CNOT6L: variants seen among roughly 807,000 people sequenced by gnomAD.
The protein encoded by CNOT6L is CCR4-NOT transcription complex subunit 6-like.
A neutral mutation model predicts 64.0 loss-of-function variants in CNOT6L; 7 were observed. That is an observed-to-expected ratio of 0.11 (90% CI 0.06 to 0.21). The LOEUF is 0.21. CNOT6L is among the 10% of genes least tolerant of loss of function. The pLI is 1.00. For synonymous variants in CNOT6L, 193 were observed against 243.4 expected (o/e 0.79, Z 1.93); for missense variants, 245 against 669.0 (o/e 0.37, Z 6.99).
intron 1 of CNOT6L, among the ~76,000 whole-genome samples, chr4:77,811,874 TA>T (rs34864447): frequency 0.8 from 112,565 of 140,982 alleles, 44,865 homozygotes; most frequent in Non-Finnish European, 0.84. Flanking sequence ...AGGAGCAGTT[TA>T]AAAAAAAAAA....
chr4:77,731,332 G>A (rs1722425861), intron 9 of CNOT6L, 55 bp downstream of exon 9: 3 of 1,540,176 alleles, frequency 1.9e-6, no homozygotes, highest in East Asian at 4.5e-5. Flanking sequence ...GTTTTGAGAT[G>A]GAAAAACTTG....
At chr4:77,792,725 TAAAAAAAAA>T (rs77060039) in intron 1 of CNOT6L, among the ~76,000 whole-genome samples, 1 of 124,116 alleles carries the variant, frequency 8.1e-6, no homozygotes. Flanking sequence ...GACTCTGCCT[TAAAAAAAAA>T]AAAAAAAAAA....
At chr4:77,731,047 A>G (rs1161621324) in intron 9 of CNOT6L, among the ~76,000 whole-genome samples, 1 of 152,148 alleles carries the variant, frequency 6.6e-6, no homozygotes, top group East Asian at 1.9e-4. Flanking sequence ...CAAGCTAAAA[A>G]TATAATTCAA....
intron 1 of CNOT6L, among the ~76,000 whole-genome samples, chr4:77,785,791 G>A (rs1199783319): frequency 6.6e-6 from 1 of 152,042 alleles, no homozygotes. Flanking sequence ...CAAAACAAGG[G>A]GGATTAAAAG....
At chr4:77,819,476 C>G (rs1734052454), upstream of CNOT6L, 11 of 1,419,104 alleles carry the variant, frequency 7.8e-6, no homozygotes, top group South Asian at 1.4e-4. Context: ...GCCTCGCTCC[C>G]GCCCGCCCCG....
intron 1 of CNOT6L, among the ~76,000 whole-genome samples, chr4:77,813,815 C>T (rs1417822756): frequency 1.3e-5 from 2 of 152,088 alleles, no homozygotes; most frequent in South Asian, 2.1e-4. Context: ...TAAAATACTG[C>T]GACTGCTTTG....
At chr4:77,756,988 A>G (rs762212649) in intron 4 of CNOT6L, 37 bp from the exon 5 acceptor site, 5 of 1,121,728 alleles carry the variant, frequency 4.5e-6, no homozygotes, top group African/African-American at 1.6e-5. Context: ...TTTAAAACTT[A>G]TAACTGCAAG....
intron 2 of CNOT6L, among the ~76,000 whole-genome samples, chr4:77,776,021 A>C (rs1195945686): frequency 2.6e-5 from 4 of 152,190 alleles, no homozygotes; most frequent in African/African-American, 4.8e-5. Context: ...TATATCAAAG[A>C]AACTGGTTTT....
At chr4:77,722,414 A>T (rs1445524710) in intron 11 of CNOT6L, among the ~76,000 whole-genome samples, 1 of 151,952 alleles carries the variant, frequency 6.6e-6, no homozygotes, top group African/African-American at 2.4e-5. Flanking sequence ...TACAAAAAAA[A>T]TGGCTGGGTC....
At chr4:77,729,340 T>G (rs992953864) in intron 9 of CNOT6L, among the ~76,000 whole-genome samples, 1 of 152,218 alleles carries the variant, frequency 6.6e-6, no homozygotes, top group Non-Finnish European at 1.5e-5. Flanking sequence ...AAATTTGGTA[T>G]AGCCCTTTAA....
At chr4:77,764,148 C>T (rs1726549248) in intron 4 of CNOT6L, among the ~76,000 whole-genome samples, 1 of 152,104 alleles carries the variant, frequency 6.6e-6, no homozygotes, top group Admixed American at 6.5e-5. Flanking sequence ...TTGTTAGAAC[C>T]AGAAGAAGCT....
chr4:77,729,565 A>G (rs1722215671), intron 9 of CNOT6L, among the ~76,000 whole-genome samples: 1 of 152,248 alleles, frequency 6.6e-6, no homozygotes, highest in Non-Finnish European at 1.5e-5. Context: ...ACCTGAACAA[A>G]TTCACACCAT....
At position 77,760,859 on chromosome 4, in the gene CNOT6L, G is replaced by GC. The variant is rs1726130465; in HGVS notation, c.401-3909dup. 2.2e-4 allele frequency among the ~76,000 whole-genome samples: 8 copies of GC among 37,176 alleles called. No homozygotes were observed. The South Asian group carries it at 4.6e-3, about 22-fold the overall frequency. The allele number at this position is 37,176 out of a possible 152,430, so 24.4% of individuals were successfully genotyped here. On this transcript the variant is annotated intron_variant, in intron 4 of 11. Coordinates refer to ENST00000504123, the MANE Select transcript of CNOT6L (RefSeq NM_144571.3). ...CTACAGGTGCACACCACCATGCCTG[G>GC]CTTTTTTTTTTTTTTTTTTTTTTTT... is the stretch of plus-strand genomic sequence containing the variant.
chr4:77,785,386 T>TA (rs1231885401), intron 1 of CNOT6L, among the ~76,000 whole-genome samples: 17 of 151,988 alleles, frequency 1.1e-4, no homozygotes, highest in East Asian at 9.7e-4. Flanking sequence ...AGATATAACA[T>TA]AAAAAGCATG....
At chr4:77,797,352 A>C (rs1024051064) in intron 1 of CNOT6L, among the ~76,000 whole-genome samples, 15 of 152,152 alleles carry the variant, frequency 9.9e-5, no homozygotes, top group Admixed American at 5.2e-4. Context: ...TCCAGAAATA[A>C]ACAATTCACA....
At chr4:77,781,696 C>G (rs886295984) in intron 1 of CNOT6L, among the ~76,000 whole-genome samples, 1 of 123,204 alleles carries the variant, frequency 8.1e-6, no homozygotes, top group Non-Finnish European at 1.7e-5. Context: ...TCTGTAAATA[C>G]TGGTCATCTA....
chr4:77,812,701 C>A (rs1733095446), intron 1 of CNOT6L, among the ~76,000 whole-genome samples: 1 of 151,906 alleles, frequency 6.6e-6, no homozygotes, highest in Non-Finnish European at 1.5e-5. Flanking sequence ...AGAAAAACAT[C>A]CCATGTTCAT....
At chr4:77,801,514 T>TA (rs1731548038) in intron 1 of CNOT6L, among the ~76,000 whole-genome samples, 2 of 152,146 alleles carry the variant, frequency 1.3e-5, no homozygotes, top group South Asian at 4.1e-4. Flanking sequence ...ACATGTAACA[T>TA]ACCAAAAAAA....
rs542497488 is a variant in CNOT6L, at chr4:77,787,087, G to A, written c.6-10695C>T. On this transcript the variant is annotated intron_variant, in intron 1 of 11. Coordinates refer to ENST00000504123, the MANE Select transcript of CNOT6L (RefSeq NM_144571.3). ...TCAAGACCGGCCTGGCCAACATGGC[G>A]AAACCCCGTCTCTATTAAAAATACA... 4.6e-5 allele frequency among the ~76,000 whole-genome samples: 7 copies of A among 151,926 alleles called. No individual in the cohort carries two copies. The South Asian group carries it at 1.2e-3, about 27-fold the overall frequency.
Sources: gnomAD v4.1 joint callset for allele counts (sites outside exome capture counted in the v4.1 genomes callset) on GRCh38, gnomAD v4.1.1 for gene constraint, MANE v1.5 for transcripts, NCBI Gene and HGNC (gene_info 2026-07-23, HGNC 2026-07-21) for gene names.